Variants in ABHD12B observed in about 807,000 individuals in gnomAD.
ABHD12B encodes the protein protein ABHD12B.
A neutral mutation model predicts 50.4 loss-of-function variants in ABHD12B; 42 were observed. The ratio of observed to expected loss-of-function variants is 0.83; its 90% confidence interval spans 0.65 to 1.08. ABHD12B has a LOEUF of 1.08. Ranked by LOEUF, ABHD12B falls within the 50% of genes least tolerant of loss-of-function variation. ABHD12B has a pLI of 0.00. For synonymous variants in ABHD12B, 167 were observed against 160.3 expected, an observed-to-expected ratio of 1.04 and a Z score of -0.32; for missense variants, 479 against 447.7, an observed-to-expected ratio of 1.07 and a Z score of -0.63.
chr14:50,903,517 A>AT (rs2050290876), intron 11 of ABHD12B, 50 bp downstream of exon 11: 1 of 1,492,290 alleles, frequency 6.7e-7, no homozygotes, highest in Admixed American at 1.9e-5. Context: ...TCATTTCACC[A>AT]TTTTTTTCAT....
At chr14:50,902,503 A>T (rs1302729760) in intron 10 of ABHD12B, among the ~76,000 whole-genome samples, 1 of 152,042 alleles carries the variant, frequency 6.6e-6, no homozygotes, top group Non-Finnish European at 1.5e-5. Flanking sequence ...CAAACAAAAA[A>T]CCAGCCTAAC....
At chr14:50,877,454 T>G (rs1174224598) in intron 1 of ABHD12B, among the ~76,000 whole-genome samples, 2 of 152,228 alleles carry the variant, frequency 1.3e-5, no homozygotes, top group Admixed American at 6.5e-5. Flanking sequence ...CTTCCCTTCC[T>G]GTCCCTGCCA....
intron 5 of ABHD12B, among the ~76,000 whole-genome samples, chr14:50,885,220 A>T (rs2050019673): frequency 6.6e-6 from 1 of 152,170 alleles, no homozygotes; most frequent in Non-Finnish European, 1.5e-5. Context: ...CAAACACCAG[A>T]TTTCAAAAAT....
In ABHD12B at chr14:50,904,158, C is replaced by T; in HGVS notation, c.1027C>T (p.Leu343Phe). 1.2e-6 allele frequency: 2 copies of T among 1,614,180 alleles called. No homozygotes were observed. The highest frequency in any genetic ancestry group is 2.2e-5 in the East Asian group (1 of 44,888). ...TCCTCCTGGCTTCCAACACAACCTG[C>T]TTTGTAAAAGCCCCACACTGTTAAT... is the stretch of plus-strand genomic sequence containing the variant. ...IFPPGFQHNL[L>F]CKSPTLLITV... Residue 343 changes from leucine to phenylalanine, a missense_variant, in exon 12 of 13, where the codon CTT becomes TTT. Physicochemically the swap from Leu to Phe is conservative, Grantham distance 22. Transcript: ENST00000337334.
At chr14:50,878,291 TG>T (rs1280036856) in intron 2 of ABHD12B, among the ~76,000 whole-genome samples, 1 of 152,152 alleles carries the variant, frequency 6.6e-6, no homozygotes, top group African/African-American at 2.4e-5. Flanking sequence ...GCCTTGTGGG[TG>T]GGGGTTCCAT....
intron 2 of ABHD12B, among the ~76,000 whole-genome samples, chr14:50,878,503 G>A (rs989735310): frequency 6.6e-6 from 1 of 151,758 alleles, no homozygotes; most frequent in African/African-American, 2.4e-5. Context: ...GAATAACTCT[G>A]TTTCTCTATT....
chr14:50,874,949 G>T (rs1412879639), intron 1 of ABHD12B, among the ~76,000 whole-genome samples: 1 of 152,224 alleles, frequency 6.6e-6, no homozygotes, highest in African/African-American at 2.4e-5. Context: ...AATAAATGTT[G>T]CTTCCTTCTC....
In ABHD12B at chr14:50,896,035, G is replaced by A. The variant is rs1460348620; in HGVS notation, c.781-5794G>A. ...CTTCCCAATCCAAAGCCTCCTTTGC[G>A]TCCTCCTCTTGTATCCCCCGACCTT... On this transcript the variant is annotated intron_variant, in intron 9 of 12. Coordinates refer to ENST00000337334, the MANE Select transcript of ABHD12B (RefSeq NM_001206673.2). 5.9e-5 allele frequency among the ~76,000 whole-genome samples: 9 copies of A among 151,604 alleles called. No individual in the cohort carries two copies. In the South Asian group the frequency reaches 6.3e-4, roughly 11 times the overall value.
intron 5 of ABHD12B, among the ~76,000 whole-genome samples, chr14:50,882,206 G>A (rs2049962271): frequency 6.9e-6 from 1 of 144,170 alleles, no homozygotes; most frequent in African/African-American, 2.6e-5. Context: ...AAAGTGCTGG[G>A]ATTACAGGCG....
intron 9 of ABHD12B, among the ~76,000 whole-genome samples, chr14:50,897,993 G>C (rs904887666): frequency 6.6e-6 from 1 of 152,196 alleles, no homozygotes; most frequent in Non-Finnish European, 1.5e-5. Flanking sequence ...GGCCAATGAA[G>C]ACTTCAGAGC....
intron 8 of ABHD12B, among the ~76,000 whole-genome samples, chr14:50,888,615 G>A (rs186962955): frequency 5.3e-5 from 8 of 152,236 alleles, no homozygotes; most frequent in Admixed American, 6.5e-5. Flanking sequence ...GGGTGGAAGC[G>A]TGTTAAAATG....
At chr14:50,878,617 TAGG>T in intron 2 of ABHD12B, 125 bp from the exon 3 acceptor site, 4 of 722,928 alleles carry the variant, frequency 5.5e-6, no homozygotes, top group Non-Finnish European at 9.1e-6. Flanking sequence ...AATACTCTGC[TAGG>T]AGTTTAGTGT....
intron 2 of ABHD12B, 133 bp from the exon 3 acceptor site, chr14:50,878,612 T>C (rs2049894922): frequency 1.4e-6 from 1 of 698,848 alleles, no homozygotes; most frequent in Non-Finnish European, 2.4e-6. Flanking sequence ...AATAAAATAC[T>C]CTGCTAGGAG....
chr14:50,882,863 C>T (rs148561781), intron 5 of ABHD12B, among the ~76,000 whole-genome samples: 3 of 150,616 alleles, frequency 2.0e-5, no homozygotes, highest in Admixed American at 6.7e-5. Flanking sequence ...TCCAGCTACT[C>T]AGGAGGCTGA....
chr14:50,887,211 C>CA (rs59924695), intron 8 of ABHD12B, among the ~76,000 whole-genome samples: 933 of 43,630 alleles, frequency 0.021, 72 homozygotes, highest in Middle Eastern at 0.038. Context: ...GAGTCTGTCT[C>CA]AAAAAAAAAA....
chr14:50,875,139 A>G (rs1224377965), intron 1 of ABHD12B, among the ~76,000 whole-genome samples: 1 of 152,204 alleles, frequency 6.6e-6, no homozygotes, highest in Non-Finnish European at 1.5e-5. Flanking sequence ...CCATCACAGA[A>G]CAATTCAAGG....
chr14:50,885,961 G>A (rs2297892), intron 7 of ABHD12B, 66 bp downstream of exon 7: 7 of 1,600,852 alleles, frequency 4.4e-6, no homozygotes, highest in East Asian at 4.5e-5. Context: ...ATCAAAGGCA[G>A]CAGCCAGTAG....
In ABHD12B at chr14:50,885,793, C is replaced by T; in HGVS notation, c.560C>T (p.Thr187Ile). ...TTTGGGGACTCTACAGGTAAGCCCA[C>T]AGAGGAGGGACTGACTACGGATGCC... Reference protein sequence around the residue: ...RGFGDSTGKPTEEGLTTDAIC... With the variant: ...RGFGDSTGKPIEEGLTTDAIC... The change falls in exon 7 of 13, where the codon ACA (threonine) becomes ATA (isoleucine). Residue 187 changes from threonine to isoleucine, a missense_variant. Transcript: ENST00000337334. 1 of 1,614,172 alleles carries T rather than the reference C, an allele frequency of 6.2e-7. No individual in the cohort carries two copies. The highest frequency in any genetic ancestry group is 8.5e-7 in the Non-Finnish European group (1 of 1,180,042).
intron 4 of ABHD12B, 39 bp from the exon 5 acceptor site, chr14:50,881,557 T>C (rs1178876231): frequency 6.6e-7 from 1 of 1,522,138 alleles, no homozygotes; most frequent in African/African-American, 1.7e-5. Flanking sequence ...TCGTTCCTAA[T>C]TCTTGCTTTT....
Sources: gnomAD v4.1 joint callset for allele counts (sites outside exome capture counted in the v4.1 genomes callset) on GRCh38, gnomAD v4.1.1 for gene constraint, MANE v1.5 for transcripts, NCBI Gene and HGNC (gene_info 2026-07-23, HGNC 2026-07-21) for gene names.